The following LIMA1 variants were observed in gnomAD, a reference collection of about 807,000 sequenced individuals.
The protein encoded by LIMA1 is LIM domain and actin binding 1, also known as LIM domain and actin-binding protein 1.
LIMA1 carries 52 observed loss-of-function variants against 62.6 expected under a neutral mutation model. The observed-to-expected ratio is 0.83, with a 90% confidence interval of 0.67 to 1.05. The LOEUF is 1.05. Among genes scored for constraint, LIMA1 ranks in the 50% least tolerant of loss-of-function variants. The pLI is 0.00. For missense variants in LIMA1, 780 were observed against 902.2 expected (o/e 0.86, Z 1.74); for synonymous variants, 302 against 317.8 (o/e 0.95, Z 0.53).
intron 4 of LIMA1, among the ~76,000 whole-genome samples, chr12:50,214,099 T>C (rs1156357768): frequency 6.7e-6 from 1 of 150,240 alleles, no homozygotes; most frequent in African/African-American, 2.5e-5. Flanking sequence ...TATGCTGATA[T>C]GTAGTCTTTA....
intron 1 of LIMA1, among the ~76,000 whole-genome samples, chr12:50,257,608 A>T (rs1450960043): frequency 6.6e-6 from 1 of 152,196 alleles, no homozygotes; most frequent in Non-Finnish European, 1.5e-5. Context: ...CTACCCAATA[A>T]ATACAAAGGG....
At position 50,200,758 on chromosome 12, in the gene LIMA1, A is replaced by G. The variant is rs1240084084; in HGVS notation, c.972+19T>C. The G allele has an allele frequency of 6.2e-7, 1 of 1,613,388 alleles. No homozygotes were observed. Among genetic ancestry groups the G allele is most frequent in the South Asian group, 1.1e-5 (1 of 91,060 alleles). ...ACACATGCTTCCTTGGCAACTGGAC[A>G]TCAGACTTTTCAACCTACCTTTTCC... On this transcript the variant is annotated intron_variant, in intron 7 of 10. Coordinates refer to ENST00000341247, the MANE Select transcript of LIMA1 (RefSeq NM_016357.5).
chr12:50,192,633 G>A (rs1940804331), intron 8 of LIMA1, 72 bp from the exon 9 acceptor site: 1 of 1,124,206 alleles, frequency 8.9e-7, no homozygotes, highest in Middle Eastern at 2.0e-4. Context: ...CTTCCGAAAA[G>A]CAAAGTTTGG....
At chr12:50,203,811 G>A (rs1226449132) in intron 6 of LIMA1, among the ~76,000 whole-genome samples, 1 of 152,078 alleles carries the variant, frequency 6.6e-6, no homozygotes, top group East Asian at 1.9e-4. Context: ...ACAGTACATC[G>A]TAAGGATTAA....
chr12:50,249,602 G>C, intron 1 of LIMA1: 1 of 152,160 alleles, frequency 6.6e-6, no homozygotes, highest in East Asian at 1.9e-4. Flanking sequence ...CCATACCCTT[G>C]ATATCACCTA....
intron 2 of LIMA1, 46 bp downstream of exon 2, chr12:50,248,587 G>T: frequency 8.6e-7 from 1 of 1,169,262 alleles, no homozygotes; most frequent in Non-Finnish European, 1.3e-6. Context: ...AGGTGGCAAT[G>T]TGTGCTCCAG....
intron 2 of LIMA1, among the ~76,000 whole-genome samples, chr12:50,245,391 C>T (rs550165370): frequency 8.5e-5 from 12 of 141,412 alleles, no homozygotes; most frequent in Middle Eastern, 3.6e-3. Flanking sequence ...CTAGCCTGGG[C>T]GACAGAGTAT....
Position 50,177,989 on chromosome 12 carries a change from T to C in LIMA1, c.1355A>G (p.Tyr452Cys), listed in dbSNP as rs1247605555. The change falls in exon 11 of 11, where the codon TAT (tyrosine) becomes TGT (cysteine). Residue 452 changes from tyrosine to cysteine, a missense_variant. Tyr to Cys is a radical substitution (Grantham distance 194). Transcript: ENST00000341247. ...FNQLFKSKGNYDEGFGHRPHK... is the reference protein window; with the variant it reads ...FNQLFKSKGNCDEGFGHRPHK... Reference sequence around the variant, plus strand: ...TGGTCTGTGCCCAAAGCCTTCATCATAGTTGCCCTTAGATTTAAAGAGTTG... The same window carrying C: ...TGGTCTGTGCCCAAAGCCTTCATCACAGTTGCCCTTAGATTTAAAGAGTTG... The C allele has an allele frequency of 4.4e-6, 7 of 1,599,890 alleles. No individual in the cohort carries two copies. The highest frequency in any genetic ancestry group is 2.7e-5 in the African/African-American group (2 of 73,964).
chr12:50,226,024 T>C (rs1281900703), intron 3 of LIMA1, among the ~76,000 whole-genome samples: 1 of 152,144 alleles, frequency 6.6e-6, no homozygotes, highest in Non-Finnish European at 1.5e-5. Context: ...CTGTTACTTC[T>C]TTGTTATCTA....
intron 2 of LIMA1, among the ~76,000 whole-genome samples, chr12:50,232,043 CTTTTT>C (rs750844822): frequency 2.4e-5 from 2 of 83,480 alleles, no homozygotes; most frequent in African/African-American, 1.1e-4. Context: ...GAGTGCCCAG[CTTTTT>C]TTTTTTTTTT....
rs1005973159 is a variant in LIMA1, at chr12:50,231,775, A to G, written c.120-65T>C. 6.6e-6 allele frequency: 10 copies of G among 1,513,588 alleles called. No homozygotes were observed. In the East Asian group the frequency reaches 1.8e-4, roughly 28 times the overall value. The allele number at this position is 1,513,588 out of a possible 1,614,324, so 93.8% of individuals were successfully genotyped here. A position where few individuals can be genotyped will look rare whatever the true frequency, so the allele number is the denominator to read the frequency against. On this transcript the variant is annotated intron_variant, in intron 2 of 10. Coordinates refer to ENST00000341247, the MANE Select transcript of LIMA1 (RefSeq NM_016357.5). ...TATATTTTTACTCTTTCAATTTTTTATCTTTTTTTGAGATGAAGTCTCACG... is the reference window on the plus strand; with the variant it reads ...TATATTTTTACTCTTTCAATTTTTTGTCTTTTTTTGAGATGAAGTCTCACG...
intron 10 of LIMA1, among the ~76,000 whole-genome samples, 189 bp downstream of exon 10, chr12:50,181,715 C>T (rs1940506222): frequency 6.6e-6 from 1 of 152,136 alleles, no homozygotes; most frequent in South Asian, 2.1e-4. Context: ...TATCAATACA[C>T]CAAGAAGTTC....
intron 5 of LIMA1, among the ~76,000 whole-genome samples, chr12:50,205,235 G>A (rs775958465): frequency 9.2e-6 from 1 of 108,256 alleles, no homozygotes; most frequent in Admixed American, 9.9e-5. Context: ...GCACCACCAC[G>A]CTGGGCTTTT....
In LIMA1 at chr12:50,177,300, T is replaced by C; in HGVS notation, c.2044A>G (p.Asn682Asp). 6.2e-7 allele frequency: 1 copy of C among 1,614,210 alleles called. No homozygotes were observed. The highest frequency in any genetic ancestry group is 1.1e-5 in the South Asian group (1 of 91,082). ...TCATCTTCATCGGAGTCTGCACCAT[T>C]TTCTACAAGATTCTCATTCTCCATC... is the stretch of plus-strand genomic sequence containing the variant. Reference protein sequence around the residue: ...LEMENENLVENGADSDEDDNS... With the variant: ...LEMENENLVEDGADSDEDDNS... The change falls in exon 11 of 11, where the codon AAT (asparagine) becomes GAT (aspartate). Residue 682 changes from asparagine to aspartate, a missense_variant. Asn to Asp is a conservative substitution (Grantham distance 23, BLOSUM62 1). Coordinates refer to ENST00000341247, the MANE Select transcript of LIMA1 (RefSeq NM_016357.5).
At chr12:50,219,446 A>G (rs888366572) in intron 4 of LIMA1, among the ~76,000 whole-genome samples, 10 of 152,102 alleles carry the variant, frequency 6.6e-5, no homozygotes, top group Admixed American at 6.5e-5. Context: ...GATCGCACCA[A>G]TACACTCCAG....
chr12:50,260,009 G>C (rs1416913099), intron 1 of LIMA1, among the ~76,000 whole-genome samples: 2 of 151,946 alleles, frequency 1.3e-5, no homozygotes, highest in African/African-American at 4.8e-5. Context: ...TTACTCCCAG[G>C]AATCAATAAA....
At chr12:50,214,350 C>T (rs969557167) in intron 4 of LIMA1, among the ~76,000 whole-genome samples, 2 of 152,180 alleles carry the variant, frequency 1.3e-5, no homozygotes, top group African/African-American at 4.8e-5. Context: ...AGCAATGTAT[C>T]TATTGAAGAT....
At chr12:50,253,824 C>T (rs916871574) in intron 1 of LIMA1, among the ~76,000 whole-genome samples, 3 of 151,438 alleles carry the variant, frequency 2.0e-5, no homozygotes, top group African/African-American at 7.3e-5. Context: ...TCAGGAGTTC[C>T]GGACCCAGTC....
chr12:50,262,013 G>T (rs1942078818), intron 1 of LIMA1, among the ~76,000 whole-genome samples: 1 of 152,140 alleles, frequency 6.6e-6, no homozygotes, highest in Non-Finnish European at 1.5e-5. Flanking sequence ...AATAGAGTAG[G>T]TTGTATATGT....
Sources: allele counts gnomAD v4.1 joint callset (sites outside exome capture counted in the v4.1 genomes callset), GRCh38; gene constraint gnomAD v4.1.1; transcripts MANE v1.5; gene names NCBI Gene and HGNC (gene_info 2026-07-23, HGNC 2026-07-21).